The following STAB2 variants were observed in gnomAD, a reference collection of about 807,000 sequenced individuals.
STAB2 encodes stabilin 2.
STAB2 carries 288 observed loss-of-function variants against 338.1 expected under a neutral mutation model. The observed-to-expected ratio is 0.85, with a 90% CI of 0.77 to 0.94. The LOEUF (loss-of-function observed/expected upper bound fraction) is 0.94, where lower values mean the gene tolerates loss of function less well. Among genes scored for constraint, STAB2 ranks in the 40% least tolerant of loss-of-function variants. The pLI, the probability that STAB2 is intolerant of heterozygous loss-of-function variation, is 0.00. For synonymous variants in STAB2, 1,202 were observed against 1,193.3 expected (o/e 1.01, Z -0.15); for missense variants, 3,141 against 3,210.1 (o/e 0.98, Z 0.52).
chr12:103,691,218 T>A (rs549518375), intron 30 of STAB2, among the ~76,000 whole-genome samples: 1 of 152,318 alleles, frequency 6.6e-6, no homozygotes, highest in South Asian at 2.1e-4. Context: ...TTGCACAAGA[T>A]GAGAATGAAG....
At chr12:103,621,200 A>G (rs1957295882) in intron 4 of STAB2, among the ~76,000 whole-genome samples, 1 of 152,222 alleles carries the variant, frequency 6.6e-6, no homozygotes, top group Non-Finnish European at 1.5e-5. Context: ...GACACTATAT[A>G]GGACTATAGA....
At chr12:103,724,861 A>G in intron 44 of STAB2, 114 bp from the exon 45 acceptor site, 2 of 1,537,934 alleles carry the variant, frequency 1.3e-6, no homozygotes, top group East Asian at 2.3e-5. Flanking sequence ...CAAATGAATC[A>G]AAGAGAGTGA....
intron 23 of STAB2, among the ~76,000 whole-genome samples, chr12:103,674,668 G>A (rs934272107): frequency 6.6e-6 from 1 of 152,152 alleles, no homozygotes. Flanking sequence ...GGGTTTGAGG[G>A]GGAAAATGCC....
chr12:103,730,282 C>T (rs755408462), intron 49 of STAB2, 26 bp downstream of exon 49: 68 of 1,612,212 alleles, frequency 4.2e-5, no homozygotes, highest in Non-Finnish European at 5.0e-5. Flanking sequence ...GTTATGTTTT[C>T]AGCCTGGAGT....
chr12:103,630,234 C>G (rs745962941), intron 5 of STAB2, among the ~76,000 whole-genome samples: 29 of 151,880 alleles, frequency 1.9e-4, no homozygotes, highest in Non-Finnish European at 4.1e-4. Flanking sequence ...AAGAATGGCA[C>G]CAGTGGAGAT....
chr12:103,763,506 T>G lies in STAB2; in HGVS notation c.7503T>G (p.Ile2501Met). The change falls in exon 68 of 69, where the codon ATT (isoleucine) becomes ATG (methionine). Residue 2501 changes from isoleucine (I) to methionine (M), a missense_variant. By Grantham distance (10) the Ile-to-Met change is conservative (BLOSUM62 1). Transcript: ENST00000388887. ...GFQHFESEED[I>M]NVAALGKQQP... ...TTTCCAAACAGTCGGAAGAGGACAT[T>G]AATGTTGCAGCTCTTGGCAAGCAGC... 6.2e-7 allele frequency: 1 copy of G among 1,614,108 alleles called. No homozygotes were observed. Among genetic ancestry groups the G allele is most frequent in the Non-Finnish European group, 8.5e-7 (1 of 1,179,984 alleles).
chr12:103,729,959 C>G (rs1881504092), intron 48 of STAB2, among the ~76,000 whole-genome samples, 157 bp from the exon 49 acceptor site: 1 of 152,178 alleles, frequency 6.6e-6, no homozygotes, highest in African/African-American at 2.4e-5. Context: ...TCTCTGTTTT[C>G]ACTTTATAAT....
chr12:103,612,093 C>T (rs1447303022), intron 3 of STAB2, among the ~76,000 whole-genome samples: 1 of 152,154 alleles, frequency 6.6e-6, no homozygotes, highest in Non-Finnish European at 1.5e-5. Context: ...TGTAACCCGA[C>T]CTTTCTCTCT....
chr12:103,721,071 A>G (rs1053264916), intron 44 of STAB2, among the ~76,000 whole-genome samples: 10 of 152,228 alleles, frequency 6.6e-5, no homozygotes, highest in African/African-American at 2.4e-4. Flanking sequence ...CACTAATCCC[A>G]TTTATAAAGG....
intron 58 of STAB2, 60 bp from the exon 59 acceptor site, chr12:103,748,903 C>G: frequency 6.4e-7 from 1 of 1,556,322 alleles, no homozygotes; most frequent in Non-Finnish European, 8.7e-7. Context: ...CATACCCTGA[C>G]CTGAAGCCCT....
intron 9 of STAB2, among the ~76,000 whole-genome samples, chr12:103,644,757 A>C (rs1483122169): frequency 1.3e-5 from 2 of 152,184 alleles, no homozygotes; most frequent in East Asian, 1.9e-4. Context: ...CAACAGGGTG[A>C]CTACAGTCAA....
chr12:103,635,565 G>A (rs538018999), intron 6 of STAB2, among the ~76,000 whole-genome samples: 8 of 152,358 alleles, frequency 5.3e-5, no homozygotes, highest in South Asian at 2.1e-4. Flanking sequence ...CCCAGACTGC[G>A]CAGGCCCATG....
At chr12:103,739,803 T>G (rs1034123691) in intron 54 of STAB2, among the ~76,000 whole-genome samples, 2 of 152,114 alleles carry the variant, frequency 1.3e-5, no homozygotes, top group Non-Finnish European at 2.9e-5. Context: ...TGCTGAGCCT[T>G]TATATACTCA....
intron 3 of STAB2, among the ~76,000 whole-genome samples, chr12:103,598,486 C>T (rs1956909522): frequency 6.6e-6 from 1 of 152,166 alleles, no homozygotes; most frequent in Admixed American, 6.5e-5. Context: ...GCTTCTTGAG[C>T]ATCACAATGC....
In STAB2 at chr12:103,690,850, C is replaced by A. The variant is rs369949577; in HGVS notation, c.3297+312C>A. On this transcript the variant is annotated intron_variant, in intron 30 of 68. Transcript: ENST00000388887. ...TGCAATTCCACAACTTTTCTTTTGA[C>A]GTATAGTTGATTAAGACCTGGTTAT... is the stretch of plus-strand genomic sequence containing the variant. Among the ~76,000 whole-genome samples the A allele has an allele frequency of 2.6e-5, 4 of 152,174 alleles. No individual in the cohort carries two copies. In the East Asian group the frequency reaches 7.7e-4, roughly 29 times the overall value.
intron 11 of STAB2, among the ~76,000 whole-genome samples, chr12:103,650,816 G>A (rs1873684062): frequency 6.6e-6 from 1 of 152,130 alleles, no homozygotes; most frequent in African/African-American, 2.4e-5. Context: ...TAAACACCAA[G>A]TCCATTGCCA....
intron 57 of STAB2, chr12:103,746,351 G>A (rs1883031681): frequency 5.6e-6 from 2 of 355,680 alleles, no homozygotes; most frequent in South Asian, 8.3e-5. Context: ...AGCCCCTAAA[G>A]AACATTTTTT....
chr12:103,616,821 G>C (rs1378642527), intron 3 of STAB2, among the ~76,000 whole-genome samples: 1 of 151,770 alleles, frequency 6.6e-6, no homozygotes, highest in African/African-American at 2.4e-5. Context: ...GCAAATAGAA[G>C]AACTATTTGA....
chr12:103,706,666 C>A, intron 37 of STAB2, 126 bp from the exon 38 acceptor site: 1 of 1,297,544 alleles, frequency 7.7e-7, no homozygotes, highest in Non-Finnish European at 1.1e-6. Flanking sequence ...CCCCACCCCT[C>A]ACCCACTCCA....
Sources: gnomAD v4.1 joint callset for allele counts (sites outside exome capture counted in the v4.1 genomes callset) on GRCh38, gnomAD v4.1.1 for gene constraint, MANE v1.5 for transcripts, NCBI Gene and HGNC (gene_info 2026-07-23, HGNC 2026-07-21) for gene names.